The following CLEC18B variants were observed in gnomAD, a reference collection of about 807,000 sequenced individuals.
The protein encoded by CLEC18B is C-type lectin domain family 18 member B, also known as mannose receptor-like 2.
In CLEC18B, 5 loss-of-function variants were observed where a neutral mutation model predicts 60.4. That is an observed-to-expected ratio of 0.08 (90% CI 0.04 to 0.17). CLEC18B has a LOEUF of 0.17. Ranked by LOEUF, CLEC18B falls within the 10% of genes least tolerant of loss-of-function variation. The pLI, the probability that CLEC18B is intolerant of heterozygous loss-of-function variation, is 1.00. For missense variants in CLEC18B, 26 were observed against 572.8 expected (o/e 0.05, Z 9.74); for synonymous variants, 16 against 221.2 (o/e 0.07, Z 8.23).
intron 2 of CLEC18B, among the ~76,000 whole-genome samples, chr16:74,419,094 C>G (rs899805465): frequency 6.6e-6 from 1 of 152,262 alleles, no homozygotes; most frequent in Non-Finnish European, 1.5e-5. Flanking sequence ...CGTGCCCAGC[C>G]CCCTCCCTCT....
chr16:74,413,319 G>A (rs2013267928), intron 4 of CLEC18B, among the ~76,000 whole-genome samples, 161 bp from the exon 5 acceptor site: 1 of 152,284 alleles, frequency 6.6e-6, no homozygotes, highest in Non-Finnish European at 1.5e-5. Flanking sequence ...GGAGAGAAGA[G>A]ATGGCCTCCA....
intron 3 of CLEC18B, among the ~76,000 whole-genome samples, chr16:74,416,048 C>T (rs1289004624): frequency 8.5e-4 from 129 of 152,230 alleles, no homozygotes; most frequent in Non-Finnish European, 1.5e-3. Context: ...ATCATGAGGT[C>T]AGGAGATCAA....
chr16:74,409,341 G>A (rs1407454201), intron 11 of CLEC18B, among the ~76,000 whole-genome samples: 1 of 148,392 alleles, frequency 6.7e-6, no homozygotes, highest in African/African-American at 2.5e-5. Context: ...TCCTTCCTGC[G>A]TGGCCTTGCT....
At chr16:74,418,907 C>T (rs547411568) in intron 2 of CLEC18B, among the ~76,000 whole-genome samples, 1 of 152,092 alleles carries the variant, frequency 6.6e-6, no homozygotes, top group East Asian at 2.0e-4. Flanking sequence ...AATTCTCCTG[C>T]CTCAGCCTCC....
At chr16:74,413,422 C>T (rs1225304846) in intron 4 of CLEC18B, among the ~76,000 whole-genome samples, 157 bp downstream of exon 4, 1 of 152,274 alleles carries the variant, frequency 6.6e-6, no homozygotes, top group Admixed American at 6.5e-5. Context: ...GAATCTTTAG[C>T]ACCCTCTGCC....
chr16:74,421,989 GT>G (rs1257670656), upstream of CLEC18B: 1 of 142,150 alleles, frequency 7.0e-6, no homozygotes, highest in Non-Finnish European at 1.5e-5. Context: ...CCCAGCCCCG[GT>G]GCCCACCACC....
intron 3 of CLEC18B, among the ~76,000 whole-genome samples, chr16:74,414,063 CAG>C (rs1457990657): frequency 1.1e-4 from 17 of 152,262 alleles, no homozygotes; most frequent in African/African-American, 3.6e-4. Context: ...TTAGTAGAGA[CAG>C]GGCTTCTCCA....
upstream of CLEC18B, chr16:74,421,561 C>T: frequency 2.2e-6 from 1 of 449,124 alleles, no homozygotes; most frequent in Non-Finnish European, 3.9e-6. Flanking sequence ...GTGCACTGCC[C>T]CGCGGCCCCT....
intron 3 of CLEC18B, among the ~76,000 whole-genome samples, chr16:74,416,193 G>A (rs1229955318): frequency 6.7e-6 from 1 of 149,674 alleles, no homozygotes; most frequent in East Asian, 2.1e-4. Context: ...AACCCAGGAG[G>A]CGGAGCTTGC....
At chr16:74,409,739 C>T (rs2013035940) in intron 10 of CLEC18B, 98 bp from the exon 11 acceptor site, 1 of 1,612,158 alleles carries the variant, frequency 6.2e-7, no homozygotes, top group African/African-American at 1.3e-5. Flanking sequence ...ATCTCAGGGG[C>T]TCCAGTGCCC....
intron 6 of CLEC18B, 65 bp downstream of exon 6, chr16:74,412,708 G>T (rs1291762077): frequency 6.3e-7 from 1 of 1,578,464 alleles, no homozygotes; most frequent in Admixed American, 1.8e-5. Context: ...CTCTCAGGAA[G>T]TGTAGCAGCC....
At chr16:74,411,271 CT>C (rs1362571399) in intron 8 of CLEC18B, 2 of 1,170,676 alleles carry the variant, frequency 1.7e-6, no homozygotes, top group African/African-American at 3.2e-5. Context: ...GGTCTGGCCC[CT>C]GAGGAGGTTC....
At chr16:74,410,207 A>T (rs1204415160) in intron 10 of CLEC18B, among the ~76,000 whole-genome samples, 245 of 149,936 alleles carry the variant, frequency 1.6e-3, no homozygotes, top group Middle Eastern at 6.8e-3. Context: ...GCATCAGTGT[A>T]ACTGATGCAG....
chr16:74,420,963 C>T (rs1167370774), intron 1 of CLEC18B, among the ~76,000 whole-genome samples, 184 bp downstream of exon 1: 4 of 92,100 alleles, frequency 4.3e-5, no homozygotes, highest in African/African-American at 1.4e-4. Flanking sequence ...CTCCTTCCTC[C>T]TCCTTCCTCC....
At chr16:74,416,219 C>T (rs1213160084) in intron 3 of CLEC18B, among the ~76,000 whole-genome samples, 2 of 147,086 alleles carry the variant, frequency 1.4e-5, no homozygotes, top group Non-Finnish European at 3.0e-5. Flanking sequence ...GCCGAGATCG[C>T]ACCACTGCAC....
chr16:74,418,799 C>CA (rs2013541256), intron 2 of CLEC18B, among the ~76,000 whole-genome samples: 1 of 141,252 alleles, frequency 7.1e-6, no homozygotes, highest in South Asian at 2.2e-4. Flanking sequence ...CCTCCCTCTT[C>CA]TTTTTTTTTT....
Position 74,413,199 on chromosome 16 carries a change from G to A in CLEC18B, c.555-41C>T. ...GGCACCACAGGGTGTGGGAGGGCCT[G>A]GCCTTGGGCAAGGCAGTGGCAGGGC... On this transcript the variant is annotated intron_variant, in intron 4 of 11. Transcript: ENST00000682950. 1.9e-6 allele frequency: 3 copies of A among 1,611,988 alleles called. No homozygotes were observed. In the South Asian group the frequency reaches 3.3e-5, roughly 18 times the overall value.
intron 1 of CLEC18B, 39 bp downstream of exon 1, chr16:74,421,108 A>G (rs1391164132): frequency 7.2e-7 from 1 of 1,385,826 alleles, no homozygotes; most frequent in South Asian, 1.3e-5. Context: ...AGAGCTCATA[A>G]TGGTGCCTCC....
intron 10 of CLEC18B, among the ~76,000 whole-genome samples, chr16:74,410,236 G>T (rs557098762): frequency 6.6e-6 from 1 of 152,304 alleles, no homozygotes; most frequent in Non-Finnish European, 1.5e-5. Flanking sequence ...CATGCAGAGG[G>T]AGGGGTGAGT....
Sources: allele counts gnomAD v4.1 joint callset (sites outside exome capture counted in the v4.1 genomes callset), GRCh38; gene constraint gnomAD v4.1.1; transcripts MANE v1.5; gene names NCBI Gene and HGNC (gene_info 2026-07-23, HGNC 2026-07-21).